The following PASD1 variants were observed in gnomAD, a reference collection of about 807,000 sequenced individuals.
PASD1 encodes circadian clock protein PASD1.
Under a neutral mutation model 58.8 loss-of-function variants are expected in PASD1, and 13 were observed. That is an observed-to-expected ratio of 0.22 (90% CI 0.14 to 0.35). The LOEUF is 0.35. Among genes scored for constraint, PASD1 ranks in the 10% least tolerant of loss-of-function variants. The pLI is 1.00. For missense variants in PASD1, 734 were observed against 568.3 expected, an observed-to-expected ratio of 1.29 and a Z score of -2.96; for synonymous variants, 236 against 216.7, an observed-to-expected ratio of 1.09 and a Z score of -0.78.
At chrX:151,596,755 CT>C (rs201356181) in intron 1 of PASD1, among the ~76,000 whole-genome samples, 9 of 111,574 alleles carry the variant, frequency 8.1e-5, no homozygotes, top group African/African-American at 2.6e-4. Flanking sequence ...TGCAACCACT[CT>C]TTTTTTTCCT....
chrX:151,584,372 C>T (rs1053864999), intron 1 of PASD1, among the ~76,000 whole-genome samples: 1 of 111,951 alleles, frequency 8.9e-6, no homozygotes, highest in East Asian at 2.8e-4. Context: ...TCTTACAATT[C>T]GTGTTTGTCA....
chrX:151,659,834 C>G lies in PASD1; in HGVS notation c.839C>G (p.Pro280Arg). The change falls in exon 10 of 16, where the codon CCA becomes CGA. Residue 280 changes from proline (P) to arginine (R), a missense_variant and splice_region_variant. Coordinates refer to ENST00000370357, the MANE Select transcript of PASD1 (RefSeq NM_173493.3). ...TTCCTGGATACTATGCCTGAATCTC[C>G]AGGTAGGTACATTTATGCATTTGGA... ...TVFLDTMPES[P>R]ALSLQDFRGE... 8.3e-7 allele frequency: 1 copy of G among 1,203,037 alleles called. No individual in the cohort carries two copies.
intron 1 of PASD1, among the ~76,000 whole-genome samples, chrX:151,567,907 A>G (rs775322231): frequency 9.1e-6 from 1 of 110,328 alleles, no homozygotes; most frequent in South Asian, 4.0e-4. Context: ...TTTTTTGTAG[A>G]GATTGTAGGG....
At chrX:151,565,558 CT>C (rs745371329) in intron 1 of PASD1, among the ~76,000 whole-genome samples, 1,463 of 84,065 alleles carry the variant, frequency 0.017, 7 homozygotes, top group African/African-American at 0.024. Context: ...TTTTTCCTTA[CT>C]TTTTTTTTTT....
At position 151,643,191 on chromosome X, in the gene PASD1, C is replaced by A. The variant is rs184410583; in HGVS notation, c.630-5424C>A. ...TTCATTCAGTCCATTTGTCTCCTGG[C>A]AAGTTGGCTTTTGGAAAATTTCCTA... is the stretch of plus-strand genomic sequence containing the variant. On this transcript the variant is annotated intron_variant, in intron 8 of 15. Transcript: ENST00000370357. Among the ~76,000 whole-genome samples the A allele has an allele frequency of 8.0e-5, 9 of 112,134 alleles. No homozygotes were observed. In the East Asian group the frequency reaches 2.5e-3, roughly 31 times the overall value.
intron 11 of PASD1, among the ~76,000 whole-genome samples, chrX:151,667,812 C>T (rs1295978344): frequency 9.8e-5 from 11 of 111,969 alleles, no homozygotes; most frequent in Admixed American, 7.6e-4. Flanking sequence ...AGTCAGGTAG[C>T]ATGATGCCAC....
chrX:151,639,536 TC>T (rs764640804), intron 8 of PASD1, among the ~76,000 whole-genome samples: 1 of 112,256 alleles, frequency 8.9e-6, no homozygotes, highest in Non-Finnish European at 1.9e-5. Context: ...AAAATGTTTT[TC>T]CCCACTATAT....
intron 8 of PASD1, among the ~76,000 whole-genome samples, chrX:151,627,369 C>A (rs1300919875): frequency 9.3e-6 from 1 of 107,968 alleles, no homozygotes. Flanking sequence ...CCCCACCCCA[C>A]AACAGGCCCC....
At position 151,613,786 on chromosome X, in the gene PASD1, T is replaced by G. The variant is rs149800474; in HGVS notation, c.207+2033T>G. ...AATGTTGTCAAAATGTGTCCCTGTT[T>G]TATTGTCATTTCCATTGGTTTCAGA... is the stretch of plus-strand genomic sequence containing the variant. On this transcript the variant is annotated intron_variant, in intron 4 of 15. Coordinates refer to ENST00000370357, the MANE Select transcript of PASD1 (RefSeq NM_173493.3). 9.0e-4 allele frequency among the ~76,000 whole-genome samples: 100 copies of G among 111,680 alleles called. 2 individuals carry two copies. In the East Asian group the frequency reaches 0.023, roughly 26 times the overall value.
intron 1 of PASD1, among the ~76,000 whole-genome samples, chrX:151,586,757 T>A (rs1470161750): frequency 9.0e-6 from 1 of 111,547 alleles, no homozygotes; most frequent in South Asian, 3.8e-4. Context: ...TGATTCTGAT[T>A]GTAAATGTCC....
intron 1 of PASD1, among the ~76,000 whole-genome samples, chrX:151,595,264 C>A (rs1602917524): frequency 2.7e-5 from 3 of 111,635 alleles, no homozygotes; most frequent in Middle Eastern, 9.3e-3. Context: ...TTGCCTGATA[C>A]CATCCCACAC....
At chrX:151,580,957 C>A (rs1490766690) in intron 1 of PASD1, among the ~76,000 whole-genome samples, 2 of 110,578 alleles carry the variant, frequency 1.8e-5, no homozygotes, top group African/African-American at 6.5e-5. Context: ...AATTATTGAA[C>A]CATATGAGAA....
chrX:151,671,696 G>A lies in PASD1; in HGVS notation c.1354G>A (p.Val452Ile), dbSNP rs144812433. 1.9e-4 allele frequency: 231 copies of A among 1,209,073 alleles called. 2 individuals are homozygous for A. The African/African-American group carries it at 3.0e-3, about 16-fold the overall frequency. ...VKRPLPHPKD[V>I]KCFCGLSLSN... ...GCGGCCTCTCCCACATCCCAAGGAC[G>A]TCAAGTGTTTCTGTGGTTTATCTTT... Residue 452 changes from valine to isoleucine, a missense_variant, in exon 13 of 16, where the codon GTC becomes ATC. Coordinates refer to ENST00000370357, the MANE Select transcript of PASD1 (RefSeq NM_173493.3).
chrX:151,581,495 G>C (rs2013093542), intron 1 of PASD1, among the ~76,000 whole-genome samples: 1 of 109,573 alleles, frequency 9.1e-6, no homozygotes, highest in Non-Finnish European at 1.9e-5. Context: ...GGAGTCTGAG[G>C]TAGAGTATCA....
chrX:151,636,777 T>G (rs972343247), intron 8 of PASD1, among the ~76,000 whole-genome samples: 3 of 111,633 alleles, frequency 2.7e-5, no homozygotes, highest in Non-Finnish European at 5.6e-5. Context: ...TTTTTTCCTC[T>G]TGGTATACAG....
At chrX:151,587,446 C>T (rs765442888) in intron 1 of PASD1, among the ~76,000 whole-genome samples, 2 of 111,616 alleles carry the variant, frequency 1.8e-5, no homozygotes, top group South Asian at 7.6e-4. Context: ...TGGCCTGACC[C>T]TGTTCTCAGA....
intron 1 of PASD1, among the ~76,000 whole-genome samples, chrX:151,565,557 A>C (rs113468115): frequency 5.0e-4 from 38 of 75,893 alleles, no homozygotes; most frequent in African/African-American, 2.0e-3. Context: ...CTTTTTCCTT[A>C]CTTTTTTTTT....
chrX:151,585,301 A>G (rs2013149559), intron 1 of PASD1, among the ~76,000 whole-genome samples: 1 of 112,092 alleles, frequency 8.9e-6, no homozygotes, highest in Non-Finnish European at 1.9e-5. Flanking sequence ...TTTTTCATCT[A>G]TAAAGTGAAG....
At position 151,611,727 on chromosome X, in the gene PASD1, ATCTCT is replaced by A; in HGVS notation, c.190_194del (p.Leu64TrpfsTer6). On this transcript the variant is annotated frameshift_variant, in exon 4 of 16. Coordinates refer to ENST00000370357, the MANE Select transcript of PASD1 (RefSeq NM_173493.3). LOFTEE classifies it high-confidence loss of function. ...AGTGATCATTTGTGTGGCTGAAAAC[ATCTCT>A]TCTCTTCTTGGACATTTACCAGTAA... The A allele has an allele frequency of 8.3e-7, 1 of 1,205,915 alleles. No individual in the cohort carries two copies. The highest frequency in any genetic ancestry group is 1.8e-5 in the South Asian group (1 of 56,055).
Sources: allele counts gnomAD v4.1 joint callset (sites outside exome capture counted in the v4.1 genomes callset), GRCh38; gene constraint gnomAD v4.1.1; transcripts MANE v1.5; gene names NCBI Gene and HGNC (gene_info 2026-07-23, HGNC 2026-07-21).